Variants in PDE4B observed in about 807,000 individuals in gnomAD.
PDE4B encodes the protein phosphodiesterase 4B.
A neutral mutation model predicts 82.2 loss-of-function variants in PDE4B; 20 were observed. The observed-to-expected ratio is 0.24, with a 90% CI of 0.17 to 0.35. The LOEUF (loss-of-function observed/expected upper bound fraction) is 0.35, where lower values mean the gene tolerates loss of function less well. Ranked by LOEUF, PDE4B falls within the 10% of genes least tolerant of loss-of-function variation. PDE4B has a pLI of 1.00. For synonymous variants in PDE4B, 320 were observed against 318.9 expected, an observed-to-expected ratio of 1.00 and a Z score of -0.04; for missense variants, 655 against 907.2, an observed-to-expected ratio of 0.72 and a Z score of 3.57.
chr1:66,131,447 A>G (rs765297909), intron 3 of PDE4B, among the ~76,000 whole-genome samples: 8 of 151,226 alleles, frequency 5.3e-5, no homozygotes, highest in Admixed American at 1.3e-4. Context: ...ATGACATTGA[A>G]AACAGGTCCT....
chr1:66,292,405 G>A (rs1657153941), intron 7 of PDE4B, among the ~76,000 whole-genome samples: 1 of 152,138 alleles, frequency 6.6e-6, no homozygotes, highest in African/African-American at 2.4e-5. Context: ...GTGGCAAAGC[G>A]AGGGTTTAGA....
intron 3 of PDE4B, among the ~76,000 whole-genome samples, chr1:65,947,649 TTAGACACAGCTA>T (rs1648779405): frequency 1.3e-5 from 2 of 152,010 alleles, no homozygotes; most frequent in East Asian, 1.9e-4. Flanking sequence ...AAAGGGAAAT[TTAGACACAGCTA>T]TAGACACAGA....
intron 3 of PDE4B, among the ~76,000 whole-genome samples, chr1:66,179,436 T>A (rs1189084434): frequency 6.6e-6 from 1 of 152,078 alleles, no homozygotes; most frequent in Non-Finnish European, 1.5e-5. Flanking sequence ...GTGAAGAAGA[T>A]CCAGGAGAGT....
rs4655813 is a variant in PDE4B at position 66,071,833 on chromosome 1, A to C, written c.281+152998A>C. On this transcript the variant is annotated intron_variant, in intron 3 of 16. Transcript: ENST00000341517. The stretch of plus-strand genomic sequence containing the variant: ...TGTTGATTTTTCAGACTCTGTGGGC[A>C]ACTGAAAAGCCCTTTTGTTTTCTTA... Among the ~76,000 whole-genome samples, 4,445 of 152,156 alleles carry C rather than the reference A, an allele frequency of 0.029. 422 individuals carry two copies. In the East Asian group the frequency reaches 0.36, roughly 12 times the overall value.
At chr1:66,018,185 A>G (rs146390517) in intron 3 of PDE4B, among the ~76,000 whole-genome samples, 3,214 of 152,200 alleles carry the variant, frequency 0.021, 117 homozygotes, top group African/African-American at 0.073. Context: ...AGGGAGGCCA[A>G]TGCGGGCGGA....
At chr1:65,979,092 C>A (rs753123051) in intron 3 of PDE4B, among the ~76,000 whole-genome samples, 1 of 152,084 alleles carries the variant, frequency 6.6e-6, no homozygotes. Context: ...CAAAGAACAT[C>A]TTGATTACTT....
At chr1:65,860,885 G>A (rs2100254652) in intron 1 of PDE4B, among the ~76,000 whole-genome samples, 1 of 152,202 alleles carries the variant, frequency 6.6e-6, no homozygotes, top group East Asian at 1.9e-4. Context: ...CCCACTTTTT[G>A]ATGGGGACAT....
intron 3 of PDE4B, among the ~76,000 whole-genome samples, chr1:66,119,656 G>A (rs955370569): frequency 2.0e-5 from 3 of 152,166 alleles, no homozygotes; most frequent in African/African-American, 7.2e-5. Context: ...CTCTGCAAGA[G>A]TTTTGGATTG....
At chr1:66,101,822 A>T (rs1199325412) in intron 3 of PDE4B, among the ~76,000 whole-genome samples, 1 of 151,952 alleles carries the variant, frequency 6.6e-6, no homozygotes, top group African/African-American at 2.4e-5. Context: ...GCTGTGCAGA[A>T]GCTCTTTAGT....
At chr1:66,261,281 C>G (rs1442634095) in intron 6 of PDE4B, among the ~76,000 whole-genome samples, 1 of 152,020 alleles carries the variant, frequency 6.6e-6, no homozygotes, top group Non-Finnish European at 1.5e-5. Flanking sequence ...TAAAGAAAAG[C>G]CAAGAGAAGG....
intron 8 of PDE4B, among the ~76,000 whole-genome samples, chr1:66,351,731 G>A (rs1661833310): frequency 6.6e-6 from 1 of 152,160 alleles, no homozygotes; most frequent in South Asian, 2.1e-4. Flanking sequence ...GAGAGTGAGA[G>A]CTGAGAATGA....
At chr1:66,090,050 G>A (rs1337274062) in intron 3 of PDE4B, among the ~76,000 whole-genome samples, 1 of 151,984 alleles carries the variant, frequency 6.6e-6, no homozygotes, top group Non-Finnish European at 1.5e-5. Flanking sequence ...GGGATGATAG[G>A]AATTACATCT....
intron 7 of PDE4B, among the ~76,000 whole-genome samples, chr1:66,316,696 A>C (rs1167397517): frequency 1.3e-5 from 2 of 152,242 alleles, no homozygotes; most frequent in Non-Finnish European, 2.9e-5. Flanking sequence ...CAGACATTGC[A>C]TTATACTGCA....
At chr1:66,162,580 C>A (rs539017240) in intron 3 of PDE4B, among the ~76,000 whole-genome samples, 7 of 151,866 alleles carry the variant, frequency 4.6e-5, no homozygotes, top group Middle Eastern at 3.2e-3. Context: ...TGCTTGGGAC[C>A]AGAAGTGTTT....
intron 3 of PDE4B, among the ~76,000 whole-genome samples, chr1:66,163,368 A>T (rs1046445662): frequency 3.3e-5 from 5 of 152,202 alleles, no homozygotes; most frequent in African/African-American, 4.8e-5. Flanking sequence ...GAAGATTGTG[A>T]TGGGGATTAA....
At chr1:65,982,195 A>G (rs1236014708) in intron 3 of PDE4B, among the ~76,000 whole-genome samples, 1 of 152,218 alleles carries the variant, frequency 6.6e-6, no homozygotes, top group Non-Finnish European at 1.5e-5. Context: ...AACTGGAGGA[A>G]CGGTGATCCT....
At chr1:66,177,510 C>G (rs1483573655) in intron 3 of PDE4B, among the ~76,000 whole-genome samples, 3 of 152,184 alleles carry the variant, frequency 2.0e-5, no homozygotes, top group African/African-American at 4.8e-5. Context: ...GACCCTCTTA[C>G]CTCCTTGAGA....
intron 4 of PDE4B, among the ~76,000 whole-genome samples, chr1:66,251,361 A>T (rs1653759236): frequency 6.6e-6 from 1 of 152,200 alleles, no homozygotes. Context: ...TAGGAGGTAA[A>T]CTATATGGAT....
chr1:66,172,915 T>G (rs1172140990), intron 3 of PDE4B, among the ~76,000 whole-genome samples: 2 of 152,242 alleles, frequency 1.3e-5, no homozygotes, highest in African/African-American at 4.8e-5. Flanking sequence ...TTTTGGTATG[T>G]ACTTAGTACT....
Sources: gnomAD v4.1 joint callset for allele counts (sites outside exome capture counted in the v4.1 genomes callset) on GRCh38, gnomAD v4.1.1 for gene constraint, MANE v1.5 for transcripts, NCBI Gene and HGNC (gene_info 2026-07-23, HGNC 2026-07-21) for gene names.